Variants in OR56A3 observed in about 807,000 individuals in gnomAD.
The protein encoded by OR56A3 is olfactory receptor 56A3.
A neutral mutation model predicts 17.5 loss-of-function variants in OR56A3; 23 were observed. The observed-to-expected ratio is 1.32, with a 90% confidence interval of 0.95 to 1.87. The LOEUF (loss-of-function observed/expected upper bound fraction) is 1.87. Ranked by LOEUF, OR56A3 falls within the 40% of genes most tolerant of loss-of-function variation. The pLI, the probability that OR56A3 is intolerant of heterozygous loss-of-function variation, is 0.00. For synonymous variants in OR56A3, 175 were observed against 150.6 expected (o/e 1.16, Z -1.19); for missense variants, 366 against 380.1 (o/e 0.96, Z 0.31).
At chr11:5,962,947 GC>G in the OR56A3 span, among the ~76,000 whole-genome samples, 1 of 152,074 alleles carries the variant, frequency 6.6e-6, no homozygotes, top group Non-Finnish European at 1.5e-5. Context: ...GTCCAAAAAT[GC>G]TTCAATTTCT....
At chr11:5,993,146 G>A in the OR56A3 span, among the ~76,000 whole-genome samples, 5 of 152,240 alleles carry the variant, frequency 3.3e-5, no homozygotes, top group East Asian at 9.7e-4. Context: ...TATTTTCAAA[G>A]ACCTAAAAGG....
chr11:5,951,342 T>A lies in OR56A3; in HGVS notation c.*3048T>A, dbSNP rs1184467455. 1 of 152,180 alleles carries A rather than the reference T, an allele frequency of 6.6e-6. No individual in the cohort carries two copies. The highest frequency in any genetic ancestry group is 1.9e-4 in the East Asian group (1 of 5,202). 9.4% of individuals were successfully genotyped at this position (152,180 alleles called of 1,614,324 possible). A position where few individuals can be genotyped will look rare whatever the true frequency, so the allele number is the denominator to read the frequency against. On this transcript the variant is annotated 3_prime_UTR_variant, in exon 3 of 3. Coordinates refer to ENST00000641160, the MANE Select transcript of OR56A3 (RefSeq NM_001003443.3). Reference sequence around the variant, plus strand: ...GTAATTCATTAAATTTTTCTTTACATCATTTACACACACATAGATCTGAGT... The same window carrying A: ...GTAATTCATTAAATTTTTCTTTACAACATTTACACACACATAGATCTGAGT...
At chr11:6,016,036 A>T in the OR56A3 span, among the ~76,000 whole-genome samples, 1 of 152,126 alleles carries the variant, frequency 6.6e-6, no homozygotes, top group Non-Finnish European at 1.5e-5. Context: ...TGTAATCTCC[A>T]ATGTTGGAGG....
chr11:5,954,095 A>G (rs1847921530), downstream of OR56A3, among the ~76,000 whole-genome samples: 1 of 152,182 alleles, frequency 6.6e-6, no homozygotes, highest in Non-Finnish European at 1.5e-5. Flanking sequence ...CATTAAAGAG[A>G]TGGTCAAGTT....
chr11:6,017,468 T>A, the OR56A3 span, among the ~76,000 whole-genome samples: 2 of 152,196 alleles, frequency 1.3e-5, no homozygotes, highest in East Asian at 3.8e-4. Flanking sequence ...TAAGGGTAGA[T>A]TTCTCAGCAG....
chr11:5,975,974 C>A, the OR56A3 span, among the ~76,000 whole-genome samples: 6 of 151,768 alleles, frequency 4.0e-5, no homozygotes, highest in South Asian at 1.2e-3. Flanking sequence ...TTTCTAAATA[C>A]AAAGAGAAAC....
At chr11:5,988,201 T>C in the OR56A3 span, among the ~76,000 whole-genome samples, 1 of 152,222 alleles carries the variant, frequency 6.6e-6, no homozygotes, top group South Asian at 2.1e-4. Context: ...AAAGGACTCA[T>C]TGCCTATGTC....
At chr11:5,994,611 G>T in the OR56A3 span, 1 of 787,646 alleles carries the variant, frequency 1.3e-6, no homozygotes, top group South Asian at 1.3e-5. Flanking sequence ...ACCTTGTGGA[G>T]CCCATGGATT....
the OR56A3 span, among the ~76,000 whole-genome samples, chr11:5,958,379 G>C: frequency 3.9e-5 from 6 of 152,088 alleles, no homozygotes; most frequent in Non-Finnish European, 7.4e-5. Context: ...TGGAGACTAA[G>C]AATGACACAT....
At chr11:6,005,733 TC>T in the OR56A3 span, among the ~76,000 whole-genome samples, 1 of 152,234 alleles carries the variant, frequency 6.6e-6, no homozygotes, top group Admixed American at 6.5e-5. Context: ...TGGCACCTTC[TC>T]ATTGTGTCCT....
At chr11:6,010,373 C>CCTACCTAATACAAAAGTATT in the OR56A3 span, among the ~76,000 whole-genome samples, 1 of 152,116 alleles carries the variant, frequency 6.6e-6, no homozygotes, top group Non-Finnish European at 1.5e-5. Context: ...AAACTCAATC[C>CCTACCTAATACAAAAGTATT]CTACCTAATA....
chr11:6,015,713 G>T, the OR56A3 span, among the ~76,000 whole-genome samples: 1 of 152,220 alleles, frequency 6.6e-6, no homozygotes, highest in Non-Finnish European at 1.5e-5. Context: ...CTTCCTTGCT[G>T]GGTTTCAGAC....
chr11:5,973,978 T>C, the OR56A3 span, among the ~76,000 whole-genome samples: 1 of 152,238 alleles, frequency 6.6e-6, no homozygotes, highest in Non-Finnish European at 1.5e-5. Context: ...GTTTGAGGAA[T>C]GTTGCTGCCT....
chr11:5,967,636 G>T, the OR56A3 span: 4 of 1,614,000 alleles, frequency 2.5e-6, no homozygotes, highest in Non-Finnish European at 3.4e-6. Flanking sequence ...AGAGCTGGGG[G>T]AATAAGGTGG....
the OR56A3 span, chr11:5,994,706 T>A: frequency 1.2e-6 from 1 of 832,036 alleles, no homozygotes; most frequent in East Asian, 2.5e-5. Flanking sequence ...ATTGTCGATT[T>A]GCAGAATGAT....
the OR56A3 span, among the ~76,000 whole-genome samples, chr11:5,983,970 G>T: frequency 6.6e-6 from 1 of 152,164 alleles, no homozygotes; most frequent in Non-Finnish European, 1.5e-5. Context: ...TCACTGTTTT[G>T]CATTTTATAT....
the OR56A3 span, among the ~76,000 whole-genome samples, chr11:6,015,012 A>AAAAAAAAAAAAAAAAAAAAAG: frequency 6.6e-6 from 1 of 150,730 alleles, no homozygotes; most frequent in Non-Finnish European, 1.5e-5. Flanking sequence ...AAAAAAAAAA[A>AAAAAAAAAAAAAAAAAAAAAG]AAATGACCTG....
the OR56A3 span, chr11:6,020,949 T>C: frequency 6.6e-6 from 1 of 152,098 alleles, no homozygotes; most frequent in East Asian, 1.9e-4. Flanking sequence ...GAGAAAATTT[T>C]AGAATTTCTT....
the OR56A3 span, among the ~76,000 whole-genome samples, chr11:5,964,184 T>C: frequency 2.0e-5 from 3 of 152,236 alleles, no homozygotes; most frequent in Non-Finnish European, 4.4e-5. Context: ...AATAGCTGTT[T>C]TGTATTTGTT....
Sources: allele counts gnomAD v4.1 joint callset (sites outside exome capture counted in the v4.1 genomes callset), GRCh38; gene constraint gnomAD v4.1.1; transcripts MANE v1.5; gene names NCBI Gene and HGNC (gene_info 2026-07-23, HGNC 2026-07-21).